The following CCDC91 variants were observed in gnomAD, a reference collection of about 807,000 sequenced individuals.
CCDC91 encodes the protein coiled-coil domain-containing protein 91.
In CCDC91, 48 loss-of-function variants were observed where a neutral mutation model predicts 63.2. The ratio of observed to expected loss-of-function variants is 0.76; its 90% CI spans 0.60 to 0.97. The LOEUF is 0.97. Among genes scored for constraint, CCDC91 ranks in the 50% least tolerant of loss-of-function variants. The pLI is 0.00. For synonymous variants in CCDC91, 167 were observed against 165.8 expected, an observed-to-expected ratio of 1.01 and a Z score of -0.06; for missense variants, 500 against 494.6, an observed-to-expected ratio of 1.01 and a Z score of -0.10.
At chr12:28,458,182 G>C (rs1950139389) in intron 11 of CCDC91, among the ~76,000 whole-genome samples, 1 of 151,886 alleles carries the variant, frequency 6.6e-6, no homozygotes. Context: ...GACTTCTTTA[G>C]TTTTGATTCA....
At chr12:28,272,530 C>A (rs1006480128) in intron 3 of CCDC91, among the ~76,000 whole-genome samples, 2 of 149,346 alleles carry the variant, frequency 1.3e-5, no homozygotes, top group African/African-American at 4.9e-5. Flanking sequence ...GCTTTTATTT[C>A]ACTACTTCTT....
intron 8 of CCDC91, among the ~76,000 whole-genome samples, chr12:28,399,855 C>T (rs1214862322): frequency 6.6e-6 from 1 of 152,234 alleles, no homozygotes; most frequent in Non-Finnish European, 1.5e-5. Context: ...TTGGGAAGCT[C>T]TACTCCTATG....
At chr12:28,509,110 A>G (rs1939079968) in intron 12 of CCDC91, among the ~76,000 whole-genome samples, 1 of 151,822 alleles carries the variant, frequency 6.6e-6, no homozygotes, top group Non-Finnish European at 1.5e-5. Context: ...GCTTCCAGGA[A>G]CCACCGTAGT....
At chr12:28,497,669 TC>T (rs1952380438) in intron 12 of CCDC91, among the ~76,000 whole-genome samples, 1 of 151,614 alleles carries the variant, frequency 6.6e-6, no homozygotes, top group African/African-American at 2.4e-5. Context: ...GTCCCACTAT[TC>T]TTTTCACTAT....
At chr12:28,440,248 TGA>T (rs779897105) in intron 8 of CCDC91, among the ~76,000 whole-genome samples, 5 of 152,202 alleles carry the variant, frequency 3.3e-5, no homozygotes, top group Non-Finnish European at 7.3e-5. Flanking sequence ...GGAATAATAG[TGA>T]AGCTGTATGG....
At chr12:28,474,990 A>G (rs534532301) in intron 11 of CCDC91, among the ~76,000 whole-genome samples, 1 of 152,226 alleles carries the variant, frequency 6.6e-6, no homozygotes, top group East Asian at 1.9e-4. Flanking sequence ...ATTCATAGGA[A>G]TGGTTACACA....
At chr12:28,507,064 A>T (rs1938816351) in intron 12 of CCDC91, among the ~76,000 whole-genome samples, 1 of 151,960 alleles carries the variant, frequency 6.6e-6, no homozygotes, top group Non-Finnish European at 1.5e-5. Flanking sequence ...ACAGTGAATG[A>T]TTTGAATATC....
intron 1 of CCDC91, among the ~76,000 whole-genome samples, chr12:28,206,144 T>C (rs1463437020): frequency 1.3e-5 from 2 of 152,210 alleles, no homozygotes; most frequent in Admixed American, 6.5e-5. Flanking sequence ...ACATTCAGCA[T>C]GAGCAACTCC....
rs1442807781 is a variant in CCDC91 at position 28,322,788 on chromosome 12, A to G, written c.576+15039A>G. ...ATTAACTTGTCTTCCAGAATATTAT[A>G]CATATTTATACTTTCACCAAGAAAT... On this transcript the variant is annotated intron_variant, in intron 6 of 12. Transcript: ENST00000536442. Among the ~76,000 whole-genome samples the G allele has an allele frequency of 3.3e-5, 5 of 151,886 alleles. No individual in the cohort carries two copies. In the East Asian group the frequency reaches 9.7e-4, roughly 29 times the overall value.
At chr12:28,311,716 A>T (rs11049522) in intron 6 of CCDC91, among the ~76,000 whole-genome samples, 43 of 151,750 alleles carry the variant, frequency 2.8e-4, no homozygotes, top group Middle Eastern at 3.4e-3. Flanking sequence ...GTTTTTTTTT[A>T]AATTTTTTTT....
At chr12:28,497,116 T>A (rs1952345228) in intron 12 of CCDC91, among the ~76,000 whole-genome samples, 1 of 151,288 alleles carries the variant, frequency 6.6e-6, no homozygotes, top group East Asian at 2.0e-4. Context: ...GAGCTTAAAT[T>A]TCTTTCTACT....
chr12:28,531,922 A>C (rs918260714), intron 12 of CCDC91, among the ~76,000 whole-genome samples: 1 of 152,102 alleles, frequency 6.6e-6, no homozygotes, highest in Non-Finnish European at 1.5e-5. Context: ...TAAATAGCAT[A>C]AGGAAGGAGC....
In CCDC91 at chr12:28,542,928, A is replaced by G. The variant is rs556326130; in HGVS notation, c.1216-6135A>G. 2.6e-5 allele frequency among the ~76,000 whole-genome samples: 4 copies of G among 152,172 alleles called. No individual in the cohort carries two copies. In the East Asian group the frequency reaches 7.7e-4, roughly 29 times the overall value. Reference sequence around the variant, plus strand: ...GTTTGTTTCCTAGGGCTACTGTGGCAATTTACAACAAACTGAGGGGCTTGA... The same window carrying G: ...GTTTGTTTCCTAGGGCTACTGTGGCGATTTACAACAAACTGAGGGGCTTGA... On this transcript the variant is annotated intron_variant, in intron 12 of 12. Transcript: ENST00000536442.
At chr12:28,205,091 C>G (rs1385009150) in intron 1 of CCDC91, among the ~76,000 whole-genome samples, 1 of 151,956 alleles carries the variant, frequency 6.6e-6, no homozygotes, top group East Asian at 1.9e-4. Context: ...AATGACTCGG[C>G]TAGTCTTCAT....
chr12:28,333,377 A>G (rs1434639739), intron 6 of CCDC91, among the ~76,000 whole-genome samples: 1 of 149,598 alleles, frequency 6.7e-6, no homozygotes, highest in African/African-American at 2.5e-5. Context: ...CCTGGGTGAC[A>G]GAGCAAGACT....
rs537062972 is a variant in CCDC91, at chr12:28,376,477, A to G, written c.654+13962A>G. Among the ~76,000 whole-genome samples the G allele has an allele frequency of 3.9e-5, 6 of 151,994 alleles. No homozygotes were observed. In the East Asian group the frequency reaches 1.2e-3, roughly 29 times the overall value. On this transcript the variant is annotated intron_variant, in intron 7 of 12. Coordinates refer to ENST00000536442, the MANE Select transcript of CCDC91 (RefSeq NM_018318.5). ...AACTTGTCCTACGTCAAGATTAAAAAAAACAAAAACTTATTCCTTGTTTTC... is the reference window on the plus strand; with the variant it reads ...AACTTGTCCTACGTCAAGATTAAAAGAAACAAAAACTTATTCCTTGTTTTC...
chr12:28,534,495 C>CATTGTTTGAT (rs1941996241), intron 12 of CCDC91, among the ~76,000 whole-genome samples: 2 of 152,062 alleles, frequency 1.3e-5, no homozygotes, highest in Non-Finnish European at 2.9e-5. Flanking sequence ...GGATTTTGTC[C>CATTGTTTGAT]CATTGTTTGA....
At chr12:28,464,700 A>G (rs1386115841) in intron 11 of CCDC91, among the ~76,000 whole-genome samples, 2 of 152,166 alleles carry the variant, frequency 1.3e-5, no homozygotes, top group African/African-American at 4.8e-5. Flanking sequence ...ATACCCAGTT[A>G]CTATATCAAG....
chr12:28,355,726 C>G (rs1020572167), intron 6 of CCDC91, among the ~76,000 whole-genome samples: 1 of 152,100 alleles, frequency 6.6e-6, no homozygotes, highest in Non-Finnish European at 1.5e-5. Flanking sequence ...CTCACTGTAT[C>G]TGTTAGGAGA....
Sources: gnomAD v4.1 joint callset for allele counts (sites outside exome capture counted in the v4.1 genomes callset) on GRCh38, gnomAD v4.1.1 for gene constraint, MANE v1.5 for transcripts, NCBI Gene and HGNC (gene_info 2026-07-23, HGNC 2026-07-21) for gene names.